TLK1: variants seen among roughly 807,000 people sequenced by gnomAD.
TLK1 encodes serine/threonine-protein kinase tousled-like 1.
A neutral mutation model predicts 105.3 loss-of-function variants in TLK1; 24 were observed. The observed-to-expected ratio is 0.23, with a 90% CI of 0.17 to 0.32. TLK1 has a LOEUF of 0.32. TLK1 is among the 10% of genes least tolerant of loss of function. The probability of loss-of-function intolerance (pLI) is 1.00; values close to 1 mark genes in which losing one functional copy is unlikely to be tolerated. For synonymous variants in TLK1, 321 were observed against 310.4 expected (o/e 1.03, Z -0.36); for missense variants, 558 against 910.5 (o/e 0.61, Z 4.98).
chr2:170,996,024 G>A (rs1341432195), intron 20 of TLK1, among the ~76,000 whole-genome samples: 1 of 150,332 alleles, frequency 6.7e-6, no homozygotes, highest in Non-Finnish European at 1.5e-5. Context: ...TTGAGACAGG[G>A]TGTCACTCTG....
chr2:171,065,904 G>T (rs532164387), intron 3 of TLK1, among the ~76,000 whole-genome samples: 1 of 152,280 alleles, frequency 6.6e-6, no homozygotes, highest in Admixed American at 6.5e-5. Flanking sequence ...TGAACAAATG[G>T]CATGACAAAC....
intron 6 of TLK1, among the ~76,000 whole-genome samples, chr2:171,055,942 G>C (rs182749280): frequency 3.3e-5 from 5 of 152,020 alleles, no homozygotes; most frequent in Admixed American, 2.0e-4. Flanking sequence ...ATTTAAAAAT[G>C]AAATCCAATA....
intron 18 of TLK1, 133 bp from the exon 19 acceptor site, chr2:170,997,956 A>G: frequency 2.0e-6 from 1 of 502,804 alleles, no homozygotes; most frequent in Non-Finnish European, 3.5e-6. Flanking sequence ...AAAATCATCA[A>G]CTGAACTTCT....
chr2:171,140,433 C>A (rs1691527116), intron 1 of TLK1, among the ~76,000 whole-genome samples: 3 of 151,074 alleles, frequency 2.0e-5, no homozygotes, highest in African/African-American at 4.9e-5. Context: ...CCCCTACAGG[C>A]ATCTGCTGAT....
intron 12 of TLK1, among the ~76,000 whole-genome samples, chr2:171,019,418 T>C (rs1039121686): frequency 6.6e-6 from 1 of 152,178 alleles, no homozygotes; most frequent in South Asian, 2.1e-4. Flanking sequence ...GGCATTTTTT[T>C]CAAAAGGCAA....
chr2:171,009,347 A>G (rs934101665), intron 14 of TLK1, among the ~76,000 whole-genome samples: 14 of 114,092 alleles, frequency 1.2e-4, no homozygotes, highest in Non-Finnish European at 2.0e-4. Context: ...TCTGTCCCCC[A>G]GGGTGGAGTG....
At chr2:171,205,734 C>T (rs1693494355) in intron 1 of TLK1, among the ~76,000 whole-genome samples, 1 of 152,230 alleles carries the variant, frequency 6.6e-6, no homozygotes, top group Non-Finnish European at 1.5e-5. Context: ...TTGGTAACAG[C>T]TGTCCATTCT....
At chr2:171,191,627 G>C (rs1412609558) in intron 1 of TLK1, among the ~76,000 whole-genome samples, 1 of 152,124 alleles carries the variant, frequency 6.6e-6, no homozygotes, top group African/African-American at 2.4e-5. Context: ...CATCAGCCAG[G>C]AGAGGGCCTT....
chr2:171,124,464 T>C (rs1481873634), intron 1 of TLK1, among the ~76,000 whole-genome samples: 1 of 152,218 alleles, frequency 6.6e-6, no homozygotes, highest in Admixed American at 6.5e-5. Context: ...ATTGTGAAAA[T>C]ATACTTTACC....
chr2:171,136,554 AAGGAC>A (rs1168761668), intron 1 of TLK1, among the ~76,000 whole-genome samples: 2 of 152,210 alleles, frequency 1.3e-5, no homozygotes, highest in African/African-American at 2.4e-5. Context: ...TGTCTCAAAA[AAGGAC>A]AGGACAAGAC....
intron 3 of TLK1, among the ~76,000 whole-genome samples, chr2:171,075,661 T>C (rs1416031638): frequency 1.3e-5 from 2 of 152,164 alleles, no homozygotes; most frequent in Non-Finnish European, 2.9e-5. Context: ...TTAAATGATA[T>C]GTTCAGTCAC....
intron 11 of TLK1, among the ~76,000 whole-genome samples, chr2:171,034,977 T>G (rs926274639): frequency 6.6e-6 from 1 of 152,028 alleles, no homozygotes; most frequent in Non-Finnish European, 1.5e-5. Context: ...AACTGAATCA[T>G]GGGGGCAGGT....
At chr2:171,031,924 G>T (rs1686064544) in intron 11 of TLK1, among the ~76,000 whole-genome samples, 1 of 151,944 alleles carries the variant, frequency 6.6e-6, no homozygotes, top group African/African-American at 2.4e-5. Context: ...ACTGTTAGAG[G>T]CACTTAAACA....
intron 1 of TLK1, among the ~76,000 whole-genome samples, chr2:171,188,949 AC>A (rs972504866): frequency 3.4e-4 from 52 of 152,136 alleles, no homozygotes; most frequent in Non-Finnish European, 6.5e-4. Context: ...GCATACAAAG[AC>A]ATTACAACAG....
At chr2:171,042,228 A>G (rs1018781328) in intron 11 of TLK1, among the ~76,000 whole-genome samples, 1 of 152,144 alleles carries the variant, frequency 6.6e-6, no homozygotes, top group Non-Finnish European at 1.5e-5. Flanking sequence ...AAAGAAAATG[A>G]AATTCGATCA....
At chr2:171,103,830 A>G (rs1017380934) in intron 2 of TLK1, among the ~76,000 whole-genome samples, 3 of 152,158 alleles carry the variant, frequency 2.0e-5, no homozygotes, top group East Asian at 3.8e-4. Flanking sequence ...TAAAAGTTCT[A>G]TGTATAGCAG....
chr2:171,117,249 TGA>T (rs1456968614), intron 2 of TLK1, among the ~76,000 whole-genome samples: 3 of 152,144 alleles, frequency 2.0e-5, no homozygotes, highest in African/African-American at 7.2e-5. Context: ...CATGCTCCTA[TGA>T]GAATCTAACG....
At chr2:171,076,940 A>AG (rs1250407560) in intron 3 of TLK1, among the ~76,000 whole-genome samples, 6 of 151,888 alleles carry the variant, frequency 4.0e-5, no homozygotes, top group African/African-American at 1.5e-4. Context: ...AAAGAAAGAA[A>AG]AAAGAAACAC....
At chr2:170,994,013 A>T in intron 20 of TLK1, 57 bp from the exon 21 acceptor site, 1 of 1,490,754 alleles carries the variant, frequency 6.7e-7, no homozygotes, top group Non-Finnish European at 9.0e-7. Flanking sequence ...TCTAAATATC[A>T]ATCAACTGAA....
Sources: gnomAD v4.1 joint callset for allele counts (sites outside exome capture counted in the v4.1 genomes callset) on GRCh38, gnomAD v4.1.1 for gene constraint, MANE v1.5 for transcripts, NCBI Gene and HGNC (gene_info 2026-07-23, HGNC 2026-07-21) for gene names.